RUNX2: variants seen among roughly 807,000 people sequenced by gnomAD.
The protein encoded by RUNX2 is RUNX family transcription factor 2, also known as runt-related transcription factor 2.
Under a neutral mutation model 51.7 loss-of-function variants are expected in RUNX2, and 10 were observed. That is an observed-to-expected ratio of 0.19 (90% confidence interval 0.12 to 0.33). The LOEUF is 0.33. Among genes scored for constraint, RUNX2 ranks in the 10% least tolerant of loss-of-function variants. The probability of loss-of-function intolerance (pLI) is 1.00; values close to 1 mark genes in which losing one functional copy is unlikely to be tolerated. For synonymous variants in RUNX2, 276 were observed against 273.6 expected, an observed-to-expected ratio of 1.01 and a Z score of -0.09; for missense variants, 562 against 691.3, an observed-to-expected ratio of 0.81 and a Z score of 2.10.
At chr6:45,434,339 A>C (rs1412863682) in intron 4 of RUNX2, among the ~76,000 whole-genome samples, 1 of 152,156 alleles carries the variant, frequency 6.6e-6, no homozygotes, top group East Asian at 1.9e-4. Flanking sequence ...TTAAGCTATT[A>C]AGTCTGGATC....
intron 5 of RUNX2, among the ~76,000 whole-genome samples, chr6:45,450,233 C>T (rs1216190615): frequency 2.0e-5 from 3 of 152,160 alleles, no homozygotes; most frequent in Non-Finnish European, 4.4e-5. Flanking sequence ...GCCTGTGCTG[C>T]CTGAATGATG....
intron 2 of RUNX2, among the ~76,000 whole-genome samples, chr6:45,370,503 A>G (rs1447391915): frequency 6.6e-6 from 1 of 152,184 alleles, no homozygotes; most frequent in Non-Finnish European, 1.5e-5. Context: ...AAAGCAGAAA[A>G]CTGAAATAAA....
Position 45,451,384 on chromosome 6 carries a change from A to T in RUNX2, c.685+13333A>T, listed in dbSNP as rs978444079. 1.3e-4 allele frequency among the ~76,000 whole-genome samples: 20 copies of T among 152,248 alleles called. 1 individual carries two copies. ...TATATAAGTAGATTCTCTTAGGACT[A>T]TGTATCATGCAGTAAAGCCTTGGCT... On this transcript the variant is annotated intron_variant, in intron 5 of 8. Coordinates refer to ENST00000647337, the MANE Select transcript of RUNX2 (RefSeq NM_001024630.4).
intron 2 of RUNX2, among the ~76,000 whole-genome samples, chr6:45,380,184 G>C (rs1456742113): frequency 6.6e-6 from 1 of 152,162 alleles, no homozygotes; most frequent in African/African-American, 2.4e-5. Flanking sequence ...AATGGTACTA[G>C]GGTATCTTAA....
intron 2 of RUNX2, among the ~76,000 whole-genome samples, chr6:45,364,509 C>A (rs1794800724): frequency 6.6e-6 from 1 of 151,916 alleles, no homozygotes; most frequent in Admixed American, 6.6e-5. Flanking sequence ...CTTATACAGA[C>A]AAAATTGTCT....
rs370135990 is a variant in RUNX2 at position 45,437,917 on chromosome 6, A to G, written c.581-30A>G. 482 of 1,462,596 alleles carry G rather than the reference A, an allele frequency of 3.3e-4. 1 individual carries two copies. In the Middle Eastern group the frequency reaches 3.8e-3, roughly 12 times the overall value. 90.6% of individuals were successfully genotyped at this position (1,462,596 alleles called of 1,614,324 possible). A position where few individuals can be genotyped will look rare whatever the true frequency, so the allele number is the denominator to read the frequency against. Reference sequence around the variant, plus strand: ...TCATCAACACTGTTTTTTAATATTCACTGTATATTTTCCCCTTTTATATCT... The same window carrying G: ...TCATCAACACTGTTTTTTAATATTCGCTGTATATTTTCCCCTTTTATATCT... On this transcript the variant is annotated intron_variant, in intron 4 of 8. Transcript: ENST00000647337.
At chr6:45,521,752 T>C (rs1393245721) in intron 7 of RUNX2, among the ~76,000 whole-genome samples, 1 of 152,194 alleles carries the variant, frequency 6.6e-6, no homozygotes, top group Non-Finnish European at 1.5e-5. Context: ...TGGTTGCAGG[T>C]CATCCTACTG....
intron 5 of RUNX2, among the ~76,000 whole-genome samples, chr6:45,484,079 ACT>A (rs537862546): frequency 8.4e-4 from 128 of 152,114 alleles, no homozygotes; most frequent in African/African-American, 2.9e-3. Context: ...ATGGAAACTA[ACT>A]CTTCATTTTT....
chr6:45,492,747 G>A (rs561952673), intron 6 of RUNX2, among the ~76,000 whole-genome samples: 1 of 152,196 alleles, frequency 6.6e-6, no homozygotes, highest in South Asian at 2.1e-4. Context: ...TTCACATTTG[G>A]TGCATTAAGA....
At chr6:45,533,439 TTCAA>T (rs951597547) in intron 7 of RUNX2, among the ~76,000 whole-genome samples, 1 of 152,164 alleles carries the variant, frequency 6.6e-6, no homozygotes, top group Non-Finnish European at 1.5e-5. Flanking sequence ...AAAGAGAGTT[TTCAA>T]TCAAAGGAAA....
intron 2 of RUNX2, among the ~76,000 whole-genome samples, chr6:45,344,157 A>C (rs1350247681): frequency 6.6e-6 from 1 of 152,224 alleles, no homozygotes; most frequent in East Asian, 1.9e-4. Context: ...AAAGAGAAAG[A>C]ACATCCACTA....
At chr6:45,332,892 G>A (rs1031475296) in intron 2 of RUNX2, among the ~76,000 whole-genome samples, 3 of 151,564 alleles carry the variant, frequency 2.0e-5, no homozygotes, top group Non-Finnish European at 4.4e-5. Context: ...TTCTCAATAC[G>A]TTACCTTAAT....
intron 5 of RUNX2, among the ~76,000 whole-genome samples, chr6:45,454,127 A>T (rs770070383): frequency 6.6e-6 from 1 of 152,112 alleles, no homozygotes; most frequent in South Asian, 2.1e-4. Flanking sequence ...GATTGTAGTT[A>T]ATTTGTCACC....
intron 3 of RUNX2, among the ~76,000 whole-genome samples, chr6:45,425,977 G>A (rs1452814748): frequency 6.6e-6 from 1 of 152,042 alleles, no homozygotes; most frequent in East Asian, 1.9e-4. Context: ...TTTTGTATCT[G>A]TCACACTGAG....
intron 2 of RUNX2, among the ~76,000 whole-genome samples, chr6:45,358,595 T>C (rs1248668704): frequency 1.3e-5 from 2 of 152,180 alleles, no homozygotes; most frequent in Non-Finnish European, 2.9e-5. Flanking sequence ...ACAATGTTTA[T>C]CATCTGCCAG....
chr6:45,451,179 G>A (rs760471178), intron 5 of RUNX2, among the ~76,000 whole-genome samples: 6 of 152,118 alleles, frequency 3.9e-5, no homozygotes, highest in Non-Finnish European at 8.8e-5. Context: ...AAAGCAGGTT[G>A]AGAAAGACCT....
chr6:45,437,900 A>C (rs899288459), intron 4 of RUNX2, 47 bp from the exon 5 acceptor site: 5 of 1,346,222 alleles, frequency 3.7e-6, no homozygotes, highest in Admixed American at 3.4e-5. Context: ...AATCATCAAC[A>C]CTGTTTTTTA....
intron 6 of RUNX2, among the ~76,000 whole-genome samples, chr6:45,496,617 C>T (rs779973263): frequency 2.6e-5 from 4 of 152,144 alleles, no homozygotes; most frequent in Non-Finnish European, 5.9e-5. Context: ...CAGTAGGAAA[C>T]TCATGCAAAG....
intron 2 of RUNX2, among the ~76,000 whole-genome samples, chr6:45,385,864 C>A (rs1797336730): frequency 6.6e-6 from 1 of 152,206 alleles, no homozygotes; most frequent in Non-Finnish European, 1.5e-5. Context: ...CGCACCACTG[C>A]ACTCCAGCCT....
Sources: allele counts gnomAD v4.1 joint callset (sites outside exome capture counted in the v4.1 genomes callset), GRCh38; gene constraint gnomAD v4.1.1; transcripts MANE v1.5; gene names NCBI Gene and HGNC (gene_info 2026-07-23, HGNC 2026-07-21).